The following XXYLT1 variants were observed in gnomAD, a reference collection of about 807,000 sequenced individuals.
The protein encoded by XXYLT1 is UDP-xylose:alpha-xyloside alpha-1,3-xylosyltransferase.
XXYLT1 carries 20 observed loss-of-function variants against 28.9 expected under a neutral mutation model. That is an observed-to-expected ratio of 0.69 (90% confidence interval 0.49 to 1.00). The LOEUF (loss-of-function observed/expected upper bound fraction) is 1.00, where lower values mean the gene tolerates loss of function less well. Among genes scored for constraint, XXYLT1 ranks in the 50% least tolerant of loss-of-function variants. The probability of loss-of-function intolerance (pLI) is 0.00; values close to 1 mark genes in which losing one functional copy is unlikely to be tolerated. For missense variants in XXYLT1, 542 were observed against 560.1 expected, an observed-to-expected ratio of 0.97 and a Z score of 0.33; for synonymous variants, 257 against 253.8, an observed-to-expected ratio of 1.01 and a Z score of -0.12.
chr3:195,222,614 T>C (rs1723877587), intron 2 of XXYLT1, among the ~76,000 whole-genome samples: 1 of 152,116 alleles, frequency 6.6e-6, no homozygotes, highest in South Asian at 2.1e-4. Flanking sequence ...TTTACAATAC[T>C]AGAAAATATA....
intron 1 of XXYLT1, among the ~76,000 whole-genome samples, chr3:195,250,328 C>T (rs768347294): frequency 1.3e-5 from 2 of 152,134 alleles, no homozygotes; most frequent in African/African-American, 2.4e-5. Context: ...TTTCGGAGGC[C>T]GAGGTGGATG....
At chr3:195,149,954 G>T (rs982641074) in intron 3 of XXYLT1, among the ~76,000 whole-genome samples, 1 of 152,192 alleles carries the variant, frequency 6.6e-6, no homozygotes, top group Non-Finnish European at 1.5e-5. Context: ...TAGGAGGCAG[G>T]CTTCTATGGC....
intron 2 of XXYLT1, among the ~76,000 whole-genome samples, chr3:195,170,720 C>T (rs539112788): frequency 1.6e-3 from 239 of 152,256 alleles, no homozygotes; most frequent in Non-Finnish European, 2.7e-3. Context: ...TCCCAGAGGC[C>T]AATTTGCATT....
At chr3:195,103,461 T>TCACCCCACGCCAGCGG (rs1716920908) in intron 3 of XXYLT1, among the ~76,000 whole-genome samples, 2 of 152,190 alleles carry the variant, frequency 1.3e-5, no homozygotes, top group Admixed American at 6.5e-5. Flanking sequence ...CCTGCGTCCA[T>TCACCCCACGCCAGCGG]CTCTTCTGCA....
At chr3:195,154,761 C>T (rs927357716) in intron 3 of XXYLT1, among the ~76,000 whole-genome samples, 2 of 152,220 alleles carry the variant, frequency 1.3e-5, no homozygotes, top group Admixed American at 6.5e-5. Flanking sequence ...TATTTCCTTT[C>T]ATTCCGGTCT....
intron 1 of XXYLT1, among the ~76,000 whole-genome samples, chr3:195,230,291 G>A (rs539712969): frequency 3.5e-4 from 54 of 152,172 alleles, no homozygotes; most frequent in African/African-American, 1.3e-3. Flanking sequence ...TTAATCCCTT[G>A]TCAGATAGAC....
At chr3:195,075,959 G>A (rs954025478) in intron 3 of XXYLT1, among the ~76,000 whole-genome samples, 1 of 151,974 alleles carries the variant, frequency 6.6e-6, no homozygotes, top group African/African-American at 2.4e-5. Context: ...CTGGGGCACC[G>A]GGCCCCACAG....
chr3:195,124,532 C>G lies in XXYLT1; in HGVS notation c.785+31917G>C, dbSNP rs532652418. ...GCCTCCCCCTCTAGACTGTGAATTC[C>G]GTGGGGGCAAGGACCACGTTTGTTT... On this transcript the variant is annotated intron_variant, in intron 3 of 3. Transcript: ENST00000310380. This position sits in a 1 kb window ranked among gnomAD's most constrained non-coding sequence, Gnocchi z 4.1. Among the ~76,000 whole-genome samples, 2 of 152,154 alleles carry G rather than the reference C, an allele frequency of 1.3e-5. No individual in the cohort carries two copies. The highest frequency in any genetic ancestry group is 4.8e-5 in the African/African-American group (2 of 41,432).
At chr3:195,110,032 TCTG>T (rs1717432750) in intron 3 of XXYLT1, among the ~76,000 whole-genome samples, 1 of 61,032 alleles carries the variant, frequency 1.6e-5, no homozygotes, top group African/African-American at 4.8e-5. Context: ...AGTGTGCATG[TCTG>T]GTGTATGTGT....
chr3:195,097,258 G>A (rs1164716626), intron 3 of XXYLT1, among the ~76,000 whole-genome samples: 1 of 152,218 alleles, frequency 6.6e-6, no homozygotes, highest in African/African-American at 2.4e-5. Context: ...CAGACAGACA[G>A]ACAGAGAGAT....
intron 3 of XXYLT1, among the ~76,000 whole-genome samples, chr3:195,141,752 G>A (rs1334333374): frequency 6.6e-6 from 1 of 152,134 alleles, no homozygotes; most frequent in Non-Finnish European, 1.5e-5. Context: ...CCACTGTGTG[G>A]GTCATCTCTC....
chr3:195,078,954 A>C lies in XXYLT1; in HGVS notation c.786-8843T>G, dbSNP rs987031740. Among the ~76,000 whole-genome samples the C allele has an allele frequency of 6.6e-6, 1 of 152,176 alleles. No homozygotes were observed. Among genetic ancestry groups the C allele is most frequent in the African/African-American group, 2.4e-5 (1 of 41,442 alleles). ...TCGGCTCTCCATGAACTTTGCGACC[A>C]GACGCACTCTGCTCCAGTGATGGGA... On this transcript the variant is annotated intron_variant, in intron 3 of 3. Coordinates refer to ENST00000310380, the MANE Select transcript of XXYLT1 (RefSeq NM_152531.5). This position sits in a 1 kb window ranked among gnomAD's most constrained non-coding sequence, Gnocchi z 5.0.
chr3:195,226,171 A>G (rs1341157642), intron 2 of XXYLT1, among the ~76,000 whole-genome samples: 2 of 152,190 alleles, frequency 1.3e-5, no homozygotes, highest in East Asian at 1.9e-4. Context: ...AGCTGGACCT[A>G]TCACACACTG....
intron 1 of XXYLT1, among the ~76,000 whole-genome samples, chr3:195,243,009 A>T (rs2108826743): frequency 6.6e-6 from 1 of 152,222 alleles, no homozygotes; most frequent in East Asian, 1.9e-4. Context: ...GCACATATAC[A>T]CCATGGAATA....
intron 3 of XXYLT1, among the ~76,000 whole-genome samples, chr3:195,134,870 CGT>C (rs147122386): frequency 0.2 from 24,317 of 124,002 alleles, 2,300 homozygotes; most frequent in East Asian, 0.47. Context: ...TGTGTGTGTG[CGT>C]GTGCGCGCGT....
Position 195,143,801 on chromosome 3 carries a change from G to GATATATAT in XXYLT1, c.785+12647_785+12648insATATATAT, listed in dbSNP as rs1240224336. On this transcript the variant is annotated intron_variant, in intron 3 of 3. Coordinates refer to ENST00000310380, the MANE Select transcript of XXYLT1 (RefSeq NM_152531.5). The stretch of plus-strand genomic sequence containing the variant: ...TTCTCTCATTATATATATATATATA[G>GATATATAT]ATAGATATATATAGATATAGATATA... Among the ~76,000 whole-genome samples, 105 of 110,486 alleles carry GATATATAT rather than the reference G, an allele frequency of 9.5e-4. 4 individuals are homozygous for GATATATAT. Among genetic ancestry groups the GATATATAT allele is most frequent in the African/African-American group, 3.8e-3 (102 of 27,142 alleles). The allele number at this position is 110,486 out of a possible 152,430, so 72.5% of individuals were successfully genotyped here. A position where few individuals can be genotyped will look rare whatever the true frequency, so the allele number is the denominator to read the frequency against.
At chr3:195,102,447 G>A (rs114299673) in intron 3 of XXYLT1, among the ~76,000 whole-genome samples, 1,552 of 152,070 alleles carry the variant, frequency 0.01, 24 homozygotes, top group African/African-American at 0.035. Flanking sequence ...CCTCACCCTC[G>A]CCGTGGCCAC....
Position 195,108,524 on chromosome 3 carries a change from A to G in XXYLT1, c.786-38413T>C, listed in dbSNP as rs565610004. Among the ~76,000 whole-genome samples the G allele has an allele frequency of 2.3e-4, 35 of 152,160 alleles. 1 individual carries two copies. The highest frequency in any genetic ancestry group is 5.5e-4 in the African/African-American group (23 of 41,566). ...ATACAGTCACGCATCGCTTAACAAC[A>G]GAGTTTGCTCTGAGAAATGCATTGT... On this transcript the variant is annotated intron_variant, in intron 3 of 3. Transcript: ENST00000310380.
intron 1 of XXYLT1, among the ~76,000 whole-genome samples, chr3:195,236,953 G>A (rs1724573867): frequency 6.6e-6 from 1 of 152,140 alleles, no homozygotes; most frequent in African/African-American, 2.4e-5. Context: ...TACCGTGACT[G>A]AGCTGGTACC....
Sources: gnomAD v4.1 joint callset for allele counts (sites outside exome capture counted in the v4.1 genomes callset) on GRCh38, gnomAD v4.1.1 for gene constraint, Gnocchi (gnomAD v3.1) non-coding constraint, MANE v1.5 for transcripts, NCBI Gene and HGNC (gene_info 2026-07-23, HGNC 2026-07-21) for gene names.